The following IL1RAP variants were observed in gnomAD, a reference collection of about 807,000 sequenced individuals.
IL1RAP encodes interleukin-1 receptor accessory protein.
Under a neutral mutation model 60.7 loss-of-function variants are expected in IL1RAP, and 35 were observed. The ratio of observed to expected loss-of-function variants is 0.58; its 90% CI spans 0.44 to 0.76. The LOEUF is 0.76. Ranked by LOEUF, IL1RAP falls within the 30% of genes least tolerant of loss-of-function variation. IL1RAP has a pLI of 0.00. For synonymous variants in IL1RAP, 268 were observed against 250.9 expected (o/e 1.07, Z -0.64); for missense variants, 572 against 693.9 (o/e 0.82, Z 1.97).
At chr3:190,542,508 TA>T (rs2108566217) in intron 1 of IL1RAP, among the ~76,000 whole-genome samples, 1 of 152,280 alleles carries the variant, frequency 6.6e-6, no homozygotes, top group South Asian at 2.1e-4. Context: ...TTCAACTGAG[TA>T]ATGTACTTAA....
At position 190,650,863 on chromosome 3, in the gene IL1RAP, A is replaced by C. The variant is rs755991845; in HGVS notation, c.*2158A>C. 5.5e-5 allele frequency: 54 copies of C among 985,422 alleles called. No individual in the cohort carries two copies. The highest frequency in any genetic ancestry group is 6.5e-5 in the Non-Finnish European group (54 of 829,898). The allele number at this position is 985,422 out of a possible 1,614,324, so 61.0% of individuals were successfully genotyped here. On this transcript the variant is annotated 3_prime_UTR_variant, in exon 12 of 12. Coordinates refer to ENST00000447382, the MANE Select transcript of IL1RAP (RefSeq NM_002182.4). The stretch of plus-strand genomic sequence containing the variant: ...TAGGCAAACAGGGAATAGTCTAGTC[A>C]CCAAAGGACCATTCTCTTGCCAATG...
downstream of IL1RAP, chr3:190,656,123 A>G: frequency 6.5e-7 from 1 of 1,537,252 alleles, no homozygotes; most frequent in Non-Finnish European, 8.7e-7. Flanking sequence ...TGGAAGGGAG[A>G]AAAGTCCAAA....
chr3:190,571,978 C>A (rs914580118), intron 3 of IL1RAP, among the ~76,000 whole-genome samples: 1 of 152,140 alleles, frequency 6.6e-6, no homozygotes, highest in African/African-American at 2.4e-5. Context: ...AACAGATATA[C>A]AAATTATTGT....
downstream of IL1RAP, chr3:190,655,795 G>C: frequency 2.2e-6 from 2 of 910,168 alleles, no homozygotes; most frequent in Non-Finnish European, 3.3e-6. Flanking sequence ...TCAAGTGTTT[G>C]TTCATTCCCT....
At chr3:190,653,942 T>C (rs1484327088), downstream of IL1RAP, among the ~76,000 whole-genome samples, 4 of 152,110 alleles carry the variant, frequency 2.6e-5, no homozygotes, top group African/African-American at 9.7e-5. Context: ...CTGAGAAGCA[T>C]CTCCTACATG....
chr3:190,602,300 A>G (rs1729930860), intron 3 of IL1RAP, among the ~76,000 whole-genome samples: 1 of 152,214 alleles, frequency 6.6e-6, no homozygotes, highest in African/African-American at 2.4e-5. Context: ...AACAATTTTC[A>G]ACTAGTACCT....
chr3:190,549,404 G>A (rs1436354343), intron 1 of IL1RAP, among the ~76,000 whole-genome samples: 1 of 151,754 alleles, frequency 6.6e-6, no homozygotes, highest in Non-Finnish European at 1.5e-5. Context: ...GCTGACAGGG[G>A]GTGCTGTTTT....
chr3:190,577,399 G>A (rs1238693385), intron 3 of IL1RAP, among the ~76,000 whole-genome samples: 3 of 152,182 alleles, frequency 2.0e-5, no homozygotes, highest in African/African-American at 7.2e-5. Context: ...GTCATTTGAA[G>A]TTGGCTTTGG....
chr3:190,610,611 CATAATA>C (rs1446863107), intron 5 of IL1RAP, among the ~76,000 whole-genome samples: 8 of 152,086 alleles, frequency 5.3e-5, no homozygotes, highest in Admixed American at 2.0e-4. Flanking sequence ...GATGACCTTT[CATAATA>C]ATAAAAGGAT....
At chr3:190,539,719 T>C (rs2108558642) in intron 1 of IL1RAP, among the ~76,000 whole-genome samples, 2 of 151,078 alleles carry the variant, frequency 1.3e-5, no homozygotes, top group South Asian at 4.2e-4. Context: ...TAAAATGAAA[T>C]ATATAATTAT....
At chr3:190,535,508 G>A (rs1004644752) in intron 1 of IL1RAP, among the ~76,000 whole-genome samples, 1 of 152,062 alleles carries the variant, frequency 6.6e-6, no homozygotes, top group African/African-American at 2.4e-5. Context: ...TCGGGTTTTA[G>A]AAGATCTACC....
At position 190,620,319 on chromosome 3, in the gene IL1RAP, T is replaced by C; in HGVS notation, c.582T>C (p.Gly194=). 1 of 1,596,956 alleles carries C rather than the reference T, an allele frequency of 6.3e-7. No individual in the cohort carries two copies. Among genetic ancestry groups the C allele is most frequent in the Non-Finnish European group, 8.6e-7 (1 of 1,165,402 alleles). ...IQNFNNVIPE[G]MNLSFLIALI... ...ATTTTAATAATGTAATACCCGAAGG[T>C]ATGAACTTGAGTTTCCTCATTGCCT... The change falls in exon 6 of 12, where the codon GGT becomes GGC. Residue 194 remains glycine, a synonymous_variant. Transcript: ENST00000447382.
chr3:190,565,049 T>C (rs1726253284), intron 3 of IL1RAP, among the ~76,000 whole-genome samples: 1 of 152,158 alleles, frequency 6.6e-6, no homozygotes, highest in Non-Finnish European at 1.5e-5. Flanking sequence ...GTTTTTGGAC[T>C]AATCAAATTC....
intron 1 of IL1RAP, among the ~76,000 whole-genome samples, chr3:190,526,863 T>C (rs1229310110): frequency 6.6e-6 from 1 of 152,366 alleles, no homozygotes; most frequent in African/African-American, 2.4e-5. Flanking sequence ...TAATCAGTGA[T>C]GTTAATTTTG....
Position 190,621,828 on chromosome 3 carries a change from A to G in IL1RAP, c.703+1388A>G, listed in dbSNP as rs529964308. On this transcript the variant is annotated intron_variant, in intron 6 of 11. Coordinates refer to ENST00000447382, the MANE Select transcript of IL1RAP (RefSeq NM_002182.4). Reference sequence around the variant, plus strand: ...AGTAACTTTGCTTTTGCATTTTTATATGGTTAATATATGGCCAAATCAGGA... The same window carrying G: ...AGTAACTTTGCTTTTGCATTTTTATGTGGTTAATATATGGCCAAATCAGGA... 4.6e-5 allele frequency among the ~76,000 whole-genome samples: 7 copies of G among 152,324 alleles called. No individual in the cohort carries two copies. In the South Asian group the frequency reaches 8.3e-4, roughly 18 times the overall value.
intron 2 of IL1RAP, among the ~76,000 whole-genome samples, chr3:190,558,553 C>T (rs1030984051): frequency 1.2e-4 from 18 of 152,112 alleles, no homozygotes; most frequent in African/African-American, 3.6e-4. Context: ...TTGAATGACT[C>T]TTCATGTGTT....
intron 4 of IL1RAP, among the ~76,000 whole-genome samples, chr3:190,608,265 T>C (rs1730521471): frequency 6.6e-6 from 1 of 152,206 alleles, no homozygotes; most frequent in South Asian, 2.1e-4. Flanking sequence ...TGGTATAGTC[T>C]GTTACTCCTA....
chr3:190,593,388 C>G (rs894515436), intron 3 of IL1RAP, among the ~76,000 whole-genome samples: 3 of 152,196 alleles, frequency 2.0e-5, no homozygotes, highest in African/African-American at 7.2e-5. Flanking sequence ...TGTGAATTTT[C>G]AGAAACATTT....
At chr3:190,615,213 C>A in intron 5 of IL1RAP, 1 of 651,890 alleles carries the variant, frequency 1.5e-6, no homozygotes, top group Non-Finnish European at 2.4e-6. Context: ...GTCTGGAAAG[C>A]AAACCATAGT....
Sources: allele counts gnomAD v4.1 joint callset (sites outside exome capture counted in the v4.1 genomes callset), GRCh38; gene constraint gnomAD v4.1.1; transcripts MANE v1.5; gene names NCBI Gene and HGNC (gene_info 2026-07-23, HGNC 2026-07-21).